PKN2: variants seen among roughly 807,000 people sequenced by gnomAD.
PKN2 encodes the protein protein kinase N2, also known as serine/threonine-protein kinase N2.
In PKN2, 38 loss-of-function variants were observed where a neutral mutation model predicts 119.1. The ratio of observed to expected loss-of-function variants is 0.32; its 90% CI spans 0.25 to 0.42. The LOEUF (loss-of-function observed/expected upper bound fraction) is 0.42, where lower values mean the gene tolerates loss of function less well. Ranked by LOEUF, PKN2 falls within the 10% of genes least tolerant of loss-of-function variation. The probability of loss-of-function intolerance (pLI) is 1.00; values close to 1 mark genes in which losing one functional copy is unlikely to be tolerated. For synonymous variants in PKN2, 390 were observed against 384.9 expected, an observed-to-expected ratio of 1.01 and a Z score of -0.15; for missense variants, 850 against 1,165.1, an observed-to-expected ratio of 0.73 and a Z score of 3.94.
At chr1:88,769,518 T>A (rs1366333809) in intron 3 of PKN2, among the ~76,000 whole-genome samples, 1 of 152,228 alleles carries the variant, frequency 6.6e-6, no homozygotes, top group Non-Finnish European at 1.5e-5. Flanking sequence ...TGAATTTGGA[T>A]TTTGATTTTC....
chr1:88,692,533 T>C (rs1248491900), intron 1 of PKN2, among the ~76,000 whole-genome samples: 1 of 152,212 alleles, frequency 6.6e-6, no homozygotes, highest in Non-Finnish European at 1.5e-5. Context: ...ACACTTGATA[T>C]TCTCTTTTTA....
chr1:88,749,945 TAGAG>T (rs932975254), intron 2 of PKN2, among the ~76,000 whole-genome samples: 15 of 152,316 alleles, frequency 9.8e-5, no homozygotes, highest in South Asian at 8.3e-4. Context: ...ATTTTGGACA[TAGAG>T]AGCCAGCTTG....
At position 88,806,000 on chromosome 1, in the gene PKN2, T is replaced by C. The variant is rs1247081598; in HGVS notation, c.1786T>C (p.Leu596=). The change falls in exon 12 of 22, where the codon TTG becomes CTG. Residue 596 remains leucine, a synonymous_variant. Transcript: ENST00000370521. ...EIDESSELRV[L]DIPGQDSETV... ...AGATGAATCTTCTGAATTAAGAGTT[T>C]TGGATATACCAGGACAGGCAAGCCA... 1 of 1,613,494 alleles carries C rather than the reference T, an allele frequency of 6.2e-7. No individual in the cohort carries two copies. Among genetic ancestry groups the C allele is most frequent in the East Asian group, 2.2e-5 (1 of 44,868 alleles).
intron 16 of PKN2, among the ~76,000 whole-genome samples, chr1:88,816,004 G>A (rs917657165): frequency 6.6e-6 from 1 of 151,836 alleles, no homozygotes; most frequent in Non-Finnish European, 1.5e-5. Flanking sequence ...GCTGGGCATG[G>A]TGGCAGGCGC....
intron 3 of PKN2, among the ~76,000 whole-genome samples, chr1:88,764,698 GACTA>G (rs1431608420): frequency 4.6e-5 from 7 of 151,924 alleles, no homozygotes; most frequent in African/African-American, 7.2e-5. Flanking sequence ...TCCCTTTTAT[GACTA>G]ACTATTTTTA....
chr1:88,813,341 A>G (rs1231997490), intron 15 of PKN2, among the ~76,000 whole-genome samples: 1 of 152,200 alleles, frequency 6.6e-6, no homozygotes, highest in African/African-American at 2.4e-5. Context: ...TGAATGCTAT[A>G]ATCTTTTAAA....
At chr1:88,733,707 G>T (rs952377326) in intron 1 of PKN2, among the ~76,000 whole-genome samples, 3 of 152,138 alleles carry the variant, frequency 2.0e-5, no homozygotes, top group African/African-American at 7.2e-5. Flanking sequence ...GTCTATACAG[G>T]TTAAATATCC....
intron 6 of PKN2, among the ~76,000 whole-genome samples, chr1:88,778,558 C>G (rs1670199857): frequency 6.6e-6 from 1 of 152,162 alleles, no homozygotes; most frequent in Non-Finnish European, 1.5e-5. Context: ...TTCTCCAAAG[C>G]ATTTCCTCTG....
At chr1:88,795,414 G>A (rs766036614) in intron 8 of PKN2, among the ~76,000 whole-genome samples, 3 of 151,758 alleles carry the variant, frequency 2.0e-5, no homozygotes, top group South Asian at 2.1e-4. Context: ...ATTTTGCTTC[G>A]TCCTAGCTCT....
At chr1:88,692,800 C>A (rs911617585) in intron 1 of PKN2, among the ~76,000 whole-genome samples, 1 of 152,018 alleles carries the variant, frequency 6.6e-6, no homozygotes, top group South Asian at 2.1e-4. Context: ...TTTTCGCTTT[C>A]TTTTATGGAG....
intron 1 of PKN2, among the ~76,000 whole-genome samples, chr1:88,736,404 C>T (rs760521652): frequency 2.6e-5 from 4 of 152,002 alleles, no homozygotes; most frequent in Non-Finnish European, 5.9e-5. Flanking sequence ...CACTCTGTTG[C>T]CCAGGCTGGA....
chr1:88,693,161 A>G (rs1447743414), intron 1 of PKN2, among the ~76,000 whole-genome samples: 1 of 152,176 alleles, frequency 6.6e-6, no homozygotes, highest in African/African-American at 2.4e-5. Flanking sequence ...ACTACTTATT[A>G]TTAGTCATTA....
At chr1:88,706,501 C>T (rs752502966) in intron 1 of PKN2, among the ~76,000 whole-genome samples, 1 of 152,052 alleles carries the variant, frequency 6.6e-6, no homozygotes, top group African/African-American at 2.4e-5. Flanking sequence ...GCTATGACCT[C>T]CAGTACAATG....
chr1:88,806,336 AT>A, intron 12 of PKN2: 1 of 286,208 alleles, frequency 3.5e-6, no homozygotes, highest in Non-Finnish European at 6.7e-6. Flanking sequence ...TGCCTGGCTA[AT>A]TTTTGTATTT....
At chr1:88,770,648 G>T (rs538687361) in intron 4 of PKN2, among the ~76,000 whole-genome samples, 179 bp downstream of exon 4, 1 of 150,230 alleles carries the variant, frequency 6.7e-6, no homozygotes, top group South Asian at 2.1e-4. Context: ...TGCAGTGGCG[G>T]GATCTCGGCT....
chr1:88,827,939 G>A (rs1672575097), intron 18 of PKN2, among the ~76,000 whole-genome samples: 1 of 151,700 alleles, frequency 6.6e-6, no homozygotes, highest in South Asian at 2.1e-4. Flanking sequence ...TGGCCAGGCT[G>A]GTCTTGAACT....
At chr1:88,746,578 G>A (rs1668778306) in intron 2 of PKN2, among the ~76,000 whole-genome samples, 1 of 152,074 alleles carries the variant, frequency 6.6e-6, no homozygotes, top group Non-Finnish European at 1.5e-5. Flanking sequence ...ATGTGTATTA[G>A]ATTGGCTATT....
At chr1:88,702,666 T>G (rs1666819542) in intron 1 of PKN2, among the ~76,000 whole-genome samples, 1 of 152,214 alleles carries the variant, frequency 6.6e-6, no homozygotes, top group Non-Finnish European at 1.5e-5. Context: ...AGTTTTTTAG[T>G]CAATTATGTG....
chr1:88,775,798 C>T (rs183939609), intron 6 of PKN2, among the ~76,000 whole-genome samples: 1 of 152,244 alleles, frequency 6.6e-6, no homozygotes, highest in Admixed American at 6.5e-5. Context: ...AGAAGAGTTA[C>T]TTAAAATACA....
Sources: allele counts gnomAD v4.1 joint callset (sites outside exome capture counted in the v4.1 genomes callset), GRCh38; gene constraint gnomAD v4.1.1; transcripts MANE v1.5; gene names NCBI Gene and HGNC (gene_info 2026-07-23, HGNC 2026-07-21).